The following PARD3B variants were observed in gnomAD, a reference collection of about 807,000 sequenced individuals.
PARD3B encodes the protein partitioning defective 3 homolog B.
A neutral mutation model predicts 130.2 loss-of-function variants in PARD3B; 103 were observed. The observed-to-expected ratio is 0.79, with a 90% CI of 0.67 to 0.93. The LOEUF (loss-of-function observed/expected upper bound fraction) is 0.93, where lower values mean the gene tolerates loss of function less well. PARD3B is among the 40% of genes least tolerant of loss of function. PARD3B has a pLI of 0.00. For missense variants in PARD3B, 1,609 were observed against 1,499.2 expected (o/e 1.07, Z -1.21); for synonymous variants, 583 against 553.2 (o/e 1.05, Z -0.76).
chr2:205,380,169 T>TTATATAAAGAATA (rs2045267446), intron 18 of PARD3B, among the ~76,000 whole-genome samples: 1 of 86,952 alleles, frequency 1.2e-5, no homozygotes, highest in Non-Finnish European at 2.1e-5. Context: ...AGAATATATA[T>TTATATAAAGAATA]TATATAATAT....
At chr2:204,715,034 T>C (rs2038652869) in intron 2 of PARD3B, among the ~76,000 whole-genome samples, 1 of 152,182 alleles carries the variant, frequency 6.6e-6, no homozygotes, top group African/African-American at 2.4e-5. Context: ...TTTGAAAGGC[T>C]TACCAATAAG....
intron 20 of PARD3B, among the ~76,000 whole-genome samples, chr2:205,476,936 G>A (rs1184035584): frequency 6.6e-6 from 1 of 152,188 alleles, no homozygotes; most frequent in Non-Finnish European, 1.5e-5. Flanking sequence ...TATTCTGGTA[G>A]TGTAATGAAA....
intron 16 of PARD3B, among the ~76,000 whole-genome samples, chr2:205,256,504 G>T (rs771348354): frequency 8.5e-5 from 13 of 152,148 alleles, no homozygotes; most frequent in Non-Finnish European, 1.9e-4. Context: ...CACAGAAAAA[G>T]TAACAGTGGT....
At chr2:205,221,611 A>G (rs1011265925) in intron 15 of PARD3B, among the ~76,000 whole-genome samples, 2 of 152,138 alleles carry the variant, frequency 1.3e-5, no homozygotes, top group East Asian at 1.9e-4. Context: ...TCTTCTTTCT[A>G]ATAATGGCAT....
chr2:204,779,485 T>C (rs574479638), intron 2 of PARD3B, among the ~76,000 whole-genome samples: 1 of 152,296 alleles, frequency 6.6e-6, no homozygotes, highest in African/African-American at 2.4e-5. Flanking sequence ...AAGTCGTGTT[T>C]TACTTGGCTG....
At chr2:205,007,269 A>G (rs1043944979) in intron 3 of PARD3B, among the ~76,000 whole-genome samples, 1 of 152,126 alleles carries the variant, frequency 6.6e-6, no homozygotes, top group Admixed American at 6.5e-5. Context: ...ACTGTGATTC[A>G]ATTAAACCTC....
intron 22 of PARD3B, among the ~76,000 whole-genome samples, chr2:205,580,835 A>T (rs2053937695): frequency 6.6e-6 from 1 of 152,152 alleles, no homozygotes; most frequent in East Asian, 1.9e-4. Context: ...TTGGAAAAAA[A>T]GCTGCTCTCC....
chr2:205,556,906 G>A (rs984303519), intron 22 of PARD3B, among the ~76,000 whole-genome samples: 1 of 152,020 alleles, frequency 6.6e-6, no homozygotes, highest in Non-Finnish European at 1.5e-5. Flanking sequence ...CCTGCCAGCC[G>A]CTCGCAATTC....
intron 21 of PARD3B, among the ~76,000 whole-genome samples, chr2:205,516,814 G>A (rs2050809864): frequency 6.6e-6 from 1 of 152,096 alleles, no homozygotes; most frequent in Non-Finnish European, 1.5e-5. Flanking sequence ...GATCAGGAGT[G>A]GTGAGAGAGA....
At chr2:205,055,266 A>T (rs1293658372) in intron 4 of PARD3B, among the ~76,000 whole-genome samples, 1 of 152,230 alleles carries the variant, frequency 6.6e-6, no homozygotes, top group Non-Finnish European at 1.5e-5. Context: ...TATATCCATT[A>T]CATCTAAAGA....
At chr2:205,476,756 A>C (rs1186775769) in intron 20 of PARD3B, among the ~76,000 whole-genome samples, 1 of 152,208 alleles carries the variant, frequency 6.6e-6, no homozygotes, top group Non-Finnish European at 1.5e-5. Context: ...TTTACACAGC[A>C]ATCATTTATC....
intron 2 of PARD3B, among the ~76,000 whole-genome samples, chr2:204,842,553 A>G (rs1218615640): frequency 6.6e-6 from 1 of 152,136 alleles, no homozygotes; most frequent in Non-Finnish European, 1.5e-5. Flanking sequence ...CTCTCTAATA[A>G]ATAAATTTCT....
intron 2 of PARD3B, among the ~76,000 whole-genome samples, chr2:204,761,744 T>G (rs1251008642): frequency 2.6e-5 from 4 of 152,216 alleles, no homozygotes; most frequent in African/African-American, 9.6e-5. Context: ...GGATTTTATG[T>G]TAAGAGAAGA....
At chr2:204,847,082 T>G (rs1388606891) in intron 2 of PARD3B, among the ~76,000 whole-genome samples, 1 of 152,070 alleles carries the variant, frequency 6.6e-6, no homozygotes, top group East Asian at 1.9e-4. Context: ...TATCGCCACG[T>G]ATTTCTATAT....
At chr2:204,889,843 G>A (rs2046385462) in intron 2 of PARD3B, among the ~76,000 whole-genome samples, 1 of 150,550 alleles carries the variant, frequency 6.6e-6, no homozygotes, top group South Asian at 2.1e-4. Flanking sequence ...GAAGATGTTA[G>A]GACTCTTCCA....
In PARD3B at chr2:205,562,791, G is replaced by T. The variant is rs2053185318; in HGVS notation, c.3260+9388G>T. ...CTGGAATTATGGTGGTGATTTTCTT[G>T]ATAATGCTGTACCGTTTTGCATGAT... is the stretch of plus-strand genomic sequence containing the variant. On this transcript the variant is annotated intron_variant, in intron 22 of 22. Coordinates refer to ENST00000406610, the MANE Select transcript of PARD3B (RefSeq NM_001302769.2). The surrounding 1 kb of genome is among the most constrained non-coding windows in gnomAD (Gnocchi z 5.4). Among the ~76,000 whole-genome samples, 1 of 152,036 alleles carries T rather than the reference G, an allele frequency of 6.6e-6. No individual in the cohort carries two copies. The highest frequency in any genetic ancestry group is 2.1e-4 in the South Asian group (1 of 4,820).
chr2:205,095,742 A>C (rs1204599854), intron 4 of PARD3B, among the ~76,000 whole-genome samples: 4 of 152,116 alleles, frequency 2.6e-5, no homozygotes, highest in Non-Finnish European at 1.5e-5. Context: ...ACACATTTCT[A>C]CCAAAAATAA....
intron 11 of PARD3B, 61 bp from the exon 12 acceptor site, chr2:205,172,150 C>T (rs1205473963): frequency 1.4e-5 from 21 of 1,488,766 alleles, no homozygotes; most frequent in East Asian, 1.4e-4. Context: ...TTCCCCAAAA[C>T]GCCACATGTC....
At chr2:205,049,122 G>A (rs1196831653) in intron 4 of PARD3B, among the ~76,000 whole-genome samples, 1 of 152,136 alleles carries the variant, frequency 6.6e-6, no homozygotes, top group Non-Finnish European at 1.5e-5. Flanking sequence ...ACGAGAGTGT[G>A]TCTGATTAAT....
Sources: gnomAD v4.1 joint callset for allele counts (sites outside exome capture counted in the v4.1 genomes callset) on GRCh38, gnomAD v4.1.1 for gene constraint, Gnocchi (gnomAD v3.1) non-coding constraint, MANE v1.5 for transcripts, NCBI Gene and HGNC (gene_info 2026-07-23, HGNC 2026-07-21) for gene names.